Variants in EXOC6 observed in about 807,000 individuals in gnomAD.
The protein encoded by EXOC6 is SEC15-like 1.
A neutral mutation model predicts 112.5 loss-of-function variants in EXOC6; 60 were observed. The ratio of observed to expected loss-of-function variants is 0.53; its 90% CI spans 0.43 to 0.66. The LOEUF (loss-of-function observed/expected upper bound fraction) is 0.66, where lower values mean the gene tolerates loss of function less well. Ranked by LOEUF, EXOC6 falls within the 30% of genes least tolerant of loss-of-function variation. The pLI, the probability that EXOC6 is intolerant of heterozygous loss-of-function variation, is 0.00. For synonymous variants in EXOC6, 295 were observed against 308.0 expected, an observed-to-expected ratio of 0.96 and a Z score of 0.44; for missense variants, 855 against 957.1, an observed-to-expected ratio of 0.89 and a Z score of 1.41.
At chr10:92,928,810 A>C (rs1458404544) in intron 9 of EXOC6, among the ~76,000 whole-genome samples, 1 of 152,240 alleles carries the variant, frequency 6.6e-6, no homozygotes, top group Non-Finnish European at 1.5e-5. Flanking sequence ...ACAAGAAACT[A>C]AGTGAATAAG....
chr10:92,836,061 AG>A (rs1353747106), intron 1 of EXOC6, among the ~76,000 whole-genome samples: 3 of 152,222 alleles, frequency 2.0e-5, no homozygotes, highest in Non-Finnish European at 4.4e-5. Flanking sequence ...GGTGCTAGGT[AG>A]TTAAGTGCTA....
intron 12 of EXOC6, among the ~76,000 whole-genome samples, chr10:92,938,615 C>A (rs1455220666): frequency 6.6e-6 from 1 of 152,034 alleles, no homozygotes; most frequent in Non-Finnish European, 1.5e-5. Flanking sequence ...GCCTATTAGG[C>A]AAATAACAAG....
intron 1 of EXOC6, among the ~76,000 whole-genome samples, chr10:92,865,213 G>A (rs778623192): frequency 1.8e-4 from 27 of 152,064 alleles, no homozygotes; most frequent in Non-Finnish European, 3.4e-4. Context: ...CAGGATTTAG[G>A]GGCACTGTCC....
intron 11 of EXOC6, 140 bp from the exon 12 acceptor site, chr10:92,935,674 A>G: frequency 2.9e-6 from 2 of 678,752 alleles, no homozygotes; most frequent in South Asian, 1.7e-5. Flanking sequence ...TGTGAATCTA[A>G]CCAACCAAAA....
At chr10:92,881,425 C>T (rs1019242967) in intron 1 of EXOC6, among the ~76,000 whole-genome samples, 3 of 152,286 alleles carry the variant, frequency 2.0e-5, no homozygotes, top group South Asian at 4.1e-4. Flanking sequence ...AATACTACTT[C>T]ATTTACTTTC....
chr10:92,966,294 A>ATTG (rs1324838244), intron 17 of EXOC6, among the ~76,000 whole-genome samples: 1 of 147,894 alleles, frequency 6.8e-6, no homozygotes, highest in African/African-American at 2.5e-5. Context: ...TATTATTATT[A>ATTG]TTATTATTAT....
intron 13 of EXOC6, among the ~76,000 whole-genome samples, chr10:92,943,443 A>G (rs564497020): frequency 6.6e-6 from 1 of 152,330 alleles, no homozygotes; most frequent in South Asian, 2.1e-4. Context: ...AATTATCAAT[A>G]CTGAATGATA....
intron 4 of EXOC6, among the ~76,000 whole-genome samples, chr10:92,896,177 ATATATTTTTT>A (rs1849803088): frequency 6.2e-4 from 10 of 16,156 alleles, no homozygotes; most frequent in East Asian, 9.3e-3. Context: ...ATATATATAT[ATATATTTTTT>A]TTTTTTTTTT....
At chr10:92,848,097 G>A (rs918581291), upstream of EXOC6, among the ~76,000 whole-genome samples, 1 of 152,126 alleles carries the variant, frequency 6.6e-6, no homozygotes, top group Non-Finnish European at 1.5e-5. Context: ...ACGACCCAGA[G>A]TACATCAGGC....
At chr10:92,982,963 A>G (rs895028919) in intron 18 of EXOC6, among the ~76,000 whole-genome samples, 2 of 152,248 alleles carry the variant, frequency 1.3e-5, no homozygotes, top group African/African-American at 4.8e-5. Flanking sequence ...AAACAAATAT[A>G]TGCTCAAGAA....
Position 92,915,565 on chromosome 10 carries a change from A to G in EXOC6, c.664-193A>G, listed in dbSNP as rs1335652575. Among the ~76,000 whole-genome samples the G allele has an allele frequency of 1.4e-4, 15 of 109,218 alleles. No homozygotes were observed. In the Admixed American group the frequency reaches 1.5e-3, roughly 11 times the overall value. The allele number at this position is 109,218 out of a possible 152,430, so 71.7% of individuals were successfully genotyped here. A position where few individuals can be genotyped will look rare whatever the true frequency, so the allele number is the denominator to read the frequency against. ...GCCTGGATGACAGAGTGAGACCCTGATTTTTTTTTTTTTTTTTTTTTTAAA... is the reference window on the plus strand; with the variant it reads ...GCCTGGATGACAGAGTGAGACCCTGGTTTTTTTTTTTTTTTTTTTTTTAAA... On this transcript the variant is annotated intron_variant, in intron 6 of 21. Transcript: ENST00000260762.
At chr10:92,982,387 C>T (rs896440585) in intron 18 of EXOC6, among the ~76,000 whole-genome samples, 2 of 146,348 alleles carry the variant, frequency 1.4e-5, no homozygotes, top group Non-Finnish European at 3.0e-5. Context: ...TCCAACTGTG[C>T]CTTGACAGTG....
intron 8 of EXOC6, among the ~76,000 whole-genome samples, chr10:92,926,463 T>C (rs1851727333): frequency 6.6e-6 from 1 of 151,834 alleles, no homozygotes; most frequent in Non-Finnish European, 1.5e-5. Context: ...TCTATATTTG[T>C]ATATTTTATA....
intron 17 of EXOC6, among the ~76,000 whole-genome samples, chr10:92,963,635 G>A (rs890487015): frequency 6.6e-6 from 1 of 150,832 alleles, no homozygotes; most frequent in African/African-American, 2.4e-5. Context: ...TTACAGTTGC[G>A]TACCATCTTA....
At chr10:92,968,621 C>T (rs188786204) in intron 17 of EXOC6, among the ~76,000 whole-genome samples, 3 of 152,200 alleles carry the variant, frequency 2.0e-5, no homozygotes, top group Admixed American at 1.3e-4. Flanking sequence ...AGTCTCCATA[C>T]AGTTCTTTTA....
At chr10:93,013,980 A>C (rs940079417) in intron 19 of EXOC6, among the ~76,000 whole-genome samples, 2 of 152,232 alleles carry the variant, frequency 1.3e-5, no homozygotes, top group Non-Finnish European at 2.9e-5. Flanking sequence ...ATTAAATGGC[A>C]GATTAGAAAT....
At chr10:93,031,486 C>A (rs1412635111) in intron 20 of EXOC6, among the ~76,000 whole-genome samples, 1 of 141,362 alleles carries the variant, frequency 7.1e-6, no homozygotes, top group Non-Finnish European at 1.6e-5. Flanking sequence ...CATGCGTTTT[C>A]TTTCTTTTCT....
intron 1 of EXOC6, among the ~76,000 whole-genome samples, chr10:92,835,268 A>G (rs1162283813): frequency 6.6e-6 from 1 of 152,206 alleles, no homozygotes; most frequent in Admixed American, 6.5e-5. Context: ...GTGACCATTC[A>G]GATATGTATT....
At position 92,899,585 on chromosome 10, in the gene EXOC6, A is replaced by AT. The variant is rs765232763; in HGVS notation, c.413-8dup. On this transcript the variant is annotated splice_polypyrimidine_tract_variant and intron_variant, in intron 4 of 21. Transcript: ENST00000260762. Reference sequence around the variant, plus strand: ...TTCATTTTGAAAGCTAAAATGTTATATTTTTTAATGCAGTGCTAGAAATGT... The same window carrying AT: ...TTCATTTTGAAAGCTAAAATGTTATATTTTTTTAATGCAGTGCTAGAAATGT... 6.4e-7 allele frequency: 1 copy of AT among 1,562,654 alleles called. No individual in the cohort carries two copies. Among genetic ancestry groups the AT allele is most frequent in the East Asian group, 2.3e-5 (1 of 43,844 alleles).
Sources: gnomAD v4.1 joint callset for allele counts (sites outside exome capture counted in the v4.1 genomes callset) on GRCh38, gnomAD v4.1.1 for gene constraint, MANE v1.5 for transcripts, NCBI Gene and HGNC (gene_info 2026-07-23, HGNC 2026-07-21) for gene names.